Variants in CCDC57 observed in about 807,000 individuals in gnomAD.
The protein encoded by CCDC57 is coiled-coil domain containing 57.
Under a neutral mutation model 118.9 loss-of-function variants are expected in CCDC57, and 118 were observed. That is an observed-to-expected ratio of 0.99 (90% CI 0.86 to 1.16). The LOEUF is 1.16. CCDC57 is among the 50% of genes most tolerant of loss of function. CCDC57 has a pLI of 0.00. For missense variants in CCDC57, 1,300 were observed against 1,320.7 expected (o/e 0.98, Z 0.24); for synonymous variants, 527 against 532.9 (o/e 0.99, Z 0.15).
intron 13 of CCDC57, among the ~76,000 whole-genome samples, chr17:82,168,791 CT>C (rs1268344197): frequency 1.2e-5 from 1 of 86,820 alleles, no homozygotes; most frequent in Non-Finnish European, 2.5e-5. Flanking sequence ...GTCAATTATC[CT>C]AAAAAAAAAA....
chr17:82,180,568 T>A (rs1219969252), intron 9 of CCDC57, among the ~76,000 whole-genome samples: 1 of 152,182 alleles, frequency 6.6e-6, no homozygotes, highest in Non-Finnish European at 1.5e-5. Flanking sequence ...CTCCACCTCC[T>A]GGGCTCAAGT....
chr17:82,192,544 A>G lies in CCDC57; in HGVS notation c.851+1212T>C, dbSNP rs1340809451. 6.6e-6 allele frequency among the ~76,000 whole-genome samples: 1 copy of G among 152,050 alleles called. No homozygotes were observed. Among genetic ancestry groups the G allele is most frequent in the African/African-American group, 2.4e-5 (1 of 41,402 alleles). On this transcript the variant is annotated intron_variant, in intron 7 of 19. Transcript: ENST00000665763. The surrounding 1 kb of genome is among the most constrained non-coding windows in gnomAD (Gnocchi z 4.0). The stretch of plus-strand genomic sequence containing the variant: ...TAGACTTAAAAACACACGAAGAGAA[A>G]CAGTGTTTGTCCAGCTTCATCATGG...
chr17:82,138,986 G>C (rs566156001), intron 16 of CCDC57, among the ~76,000 whole-genome samples: 1 of 152,208 alleles, frequency 6.6e-6, no homozygotes, highest in East Asian at 1.9e-4. Flanking sequence ...CTCACTCTGG[G>C]GCTGTGTTAC....
chr17:82,148,524 A>G (rs1171965183), intron 16 of CCDC57, among the ~76,000 whole-genome samples: 6 of 34,766 alleles, frequency 1.7e-4, no homozygotes, highest in Non-Finnish European at 2.5e-4. Context: ...TGGGTGGGTG[A>G]ATGGATGAAT....
At chr17:82,183,502 C>A (rs1482924280) in intron 9 of CCDC57, among the ~76,000 whole-genome samples, 1 of 152,064 alleles carries the variant, frequency 6.6e-6, no homozygotes, top group Non-Finnish European at 1.5e-5. Flanking sequence ...ATTCTTAGTG[C>A]AGAATCAAGC....
At chr17:82,158,030 T>C in intron 14 of CCDC57, 82 bp from the exon 14 acceptor site, 1 of 1,477,778 alleles carries the variant, frequency 6.8e-7, no homozygotes, top group Non-Finnish European at 9.0e-7. Flanking sequence ...CAGGAAGCGC[T>C]GTGAGTGCCG....
chr17:82,117,225 C>A (rs1242356741), intron 19 of CCDC57, among the ~76,000 whole-genome samples: 1 of 151,446 alleles, frequency 6.6e-6, no homozygotes, highest in Non-Finnish European at 1.5e-5. Flanking sequence ...TGGTGGCGCA[C>A]GCCATAACCC....
chr17:82,134,011 T>C (rs1047500995), intron 17 of CCDC57, 62 bp downstream of exon 16: 2 of 1,303,994 alleles, frequency 1.5e-6, no homozygotes, highest in African/African-American at 3.1e-5. Context: ...GTTTCTGTAA[T>C]GAAAACGACA....
intron 16 of CCDC57, among the ~76,000 whole-genome samples, chr17:82,148,152 TGG>T (rs2041131523): frequency 1.0e-5 from 1 of 95,390 alleles, no homozygotes. Flanking sequence ...GATGGATGGA[TGG>T]ATGGATGGAT....
intron 11 of CCDC57, 129 bp downstream of exon 10, chr17:82,178,345 C>T (rs1387983489): frequency 2.7e-6 from 3 of 1,104,622 alleles, no homozygotes; most frequent in Non-Finnish European, 3.7e-6. Context: ...CTTGTTTGTG[C>T]AACAGGTCAT....
rs1330358382 is a variant in CCDC57, at chr17:82,148,892, T to TTAGATGGATGGA, written c.2455+2667_2455+2668insTCCATCCATCTA. Among the ~76,000 whole-genome samples the TTAGATGGATGGA allele has an allele frequency of 3.4e-5, 2 of 58,310 alleles. 1 individual carries two copies. The highest frequency in any genetic ancestry group is 4.4e-4 in the Admixed American group (2 of 4,538). The allele number at this position is 58,310 out of a possible 152,430, so 38.3% of individuals were successfully genotyped here. On this transcript the variant is annotated intron_variant, in intron 16 of 19. Coordinates refer to ENST00000665763, the Ensembl canonical transcript of CCDC57. ...GTGGGTGGGATAAGTGGTTGGATGG[T>TTAGATGGATGGA]TGGATGGATGGATGGATGAACAGAT...
At chr17:82,144,597 C>G (rs4789743) in intron 16 of CCDC57, among the ~76,000 whole-genome samples, 7,213 of 152,164 alleles carry the variant, frequency 0.047, 227 homozygotes, top group African/African-American at 0.089. Flanking sequence ...AACAGGGAAC[C>G]GAGGTCAAGG....
chr17:82,172,460 T>C lies in CCDC57; in HGVS notation c.1729+178A>G, dbSNP rs375450557. Among the ~76,000 whole-genome samples, 3 of 152,312 alleles carry C rather than the reference T, an allele frequency of 2.0e-5. No homozygotes were observed. Among genetic ancestry groups the C allele is most frequent in the South Asian group, 2.1e-4 (1 of 4,824 alleles). ...AAGCTTTTTGGTATAAAACTTAAGA[T>C]CCCTTCTCTTGGAGAAAAAGCAGTT... On this transcript the variant is annotated intron_variant, in intron 12 of 19. Coordinates refer to ENST00000665763, the Ensembl canonical transcript of CCDC57. The surrounding 1 kb of genome is among the most constrained non-coding windows in gnomAD (Gnocchi z 5.2).
exon 20 of CCDC57, chr17:82,101,603 C>A (rs1431574227): frequency 8.0e-7 from 1 of 1,248,866 alleles, no homozygotes; most frequent in South Asian, 1.4e-5. Context: ...CCACACCCCC[C>A]CACAACACGT....
Sources: gnomAD v4.1 joint callset for allele counts (sites outside exome capture counted in the v4.1 genomes callset) on GRCh38, gnomAD v4.1.1 for gene constraint, Gnocchi (gnomAD v3.1) non-coding constraint, MANE v1.5 for transcripts, NCBI Gene and HGNC (gene_info 2026-07-23, HGNC 2026-07-21) for gene names.